Variants in MCPH1 observed in about 807,000 individuals in gnomAD.
MCPH1 encodes the protein microcephalin 1, also known as microcephalin.
Under a neutral mutation model 84.5 loss-of-function variants are expected in MCPH1, and 104 were observed. That is an observed-to-expected ratio of 1.23 (90% CI 1.05 to 1.45). The LOEUF (loss-of-function observed/expected upper bound fraction) is 1.45. Among genes scored for constraint, MCPH1 ranks in the 40% most tolerant of loss-of-function variants. The pLI is 0.00. For missense variants in MCPH1, 1,498 were observed against 1,005.7 expected (o/e 1.49, Z -6.62); for synonymous variants, 514 against 366.8 (o/e 1.40, Z -4.58).
intron 12 of MCPH1, among the ~76,000 whole-genome samples, chr8:6,595,220 G>A (rs1471672817): frequency 2.0e-5 from 3 of 152,198 alleles, no homozygotes; most frequent in Admixed American, 2.0e-4. Flanking sequence ...GGGAGTGAGA[G>A]AGGCAAGGAT....
chr8:6,478,607 CTGA>C (rs1404836129), intron 10 of MCPH1, among the ~76,000 whole-genome samples: 6 of 152,150 alleles, frequency 3.9e-5, no homozygotes, highest in Admixed American at 1.3e-4. Flanking sequence ...CCTGGACATT[CTGA>C]TTTTATGTGG....
At chr8:6,558,337 G>A (rs1005703833) in intron 12 of MCPH1, among the ~76,000 whole-genome samples, 2 of 152,050 alleles carry the variant, frequency 1.3e-5, no homozygotes, top group Non-Finnish European at 2.9e-5. Context: ...TTTTTACCTT[G>A]CCCATATCTT....
chr8:6,476,050 T>C (rs1029189581), intron 9 of MCPH1, among the ~76,000 whole-genome samples: 1 of 152,188 alleles, frequency 6.6e-6, no homozygotes. Flanking sequence ...CAAGGCTATA[T>C]GAAACTGTCA....
Position 6,445,099 on chromosome 8 carries a change from T to G in MCPH1, c.1377T>G (p.Ser459=), listed in dbSNP as rs1255403842. The G allele has an allele frequency of 6.2e-7, 1 of 1,614,154 alleles. No homozygotes were observed. Among genetic ancestry groups the G allele is most frequent in the Non-Finnish European group, 8.5e-7 (1 of 1,180,056 alleles). Residue 459 remains serine (S), a synonymous_variant, in exon 8 of 14, where the codon TCT becomes TCG. Transcript: ENST00000344683. ...KKERTSIFEM[S]DFSCVGKKTR... ...AGAGAACAAGCATATTTGAAATGTC[T>G]GATTTTTCCTGCGTTGGCAAAAAAA...
Position 6,643,242 on chromosome 8 carries a change from C to T in MCPH1, c.*193C>T, listed in dbSNP as rs1256056050. The T allele has an allele frequency of 2.4e-5, 15 of 621,122 alleles. No individual in the cohort carries two copies. The highest frequency in any genetic ancestry group is 3.7e-5 in the Non-Finnish European group (13 of 351,048). 38.5% of individuals were successfully genotyped at this position (621,122 alleles called of 1,614,324 possible). Reference sequence around the variant, plus strand: ...GATGACTGAATGTCTGTTTCAGAGACGCTTCGGGCCTTTTTATTTTTATTT... The same window carrying T: ...GATGACTGAATGTCTGTTTCAGAGATGCTTCGGGCCTTTTTATTTTTATTT... On this transcript the variant is annotated 3_prime_UTR_variant, in exon 14 of 14. Transcript: ENST00000344683.
chr8:6,518,891 T>A (rs542439759), intron 12 of MCPH1, among the ~76,000 whole-genome samples: 3 of 152,188 alleles, frequency 2.0e-5, no homozygotes, highest in Non-Finnish European at 4.4e-5. Flanking sequence ...AGAAGCCACA[T>A]TGAAATATTC....
At position 6,442,123 on chromosome 8, in the gene MCPH1, C is replaced by T. The variant is rs1803605811; in HGVS notation, c.637C>T (p.Pro213Ser). The T allele has an allele frequency of 1.9e-6, 3 of 1,612,848 alleles. No homozygotes were observed. The highest frequency in any genetic ancestry group is 1.3e-5 in the African/African-American group (1 of 74,850). ...DNPSNSLCEA[P>S]LNISRDTLCS... ...TCCAAGTAACTCTCTGTGTGAAGCACCTTTGAACATTTCACGTGATACTTT... is the reference window on the plus strand; with the variant it reads ...TCCAAGTAACTCTCTGTGTGAAGCATCTTTGAACATTTCACGTGATACTTT... Residue 213 changes from proline to serine, a missense_variant, in exon 7 of 14, where the codon CCT becomes TCT. Coordinates refer to ENST00000344683, the MANE Select transcript of MCPH1 (RefSeq NM_024596.5).
At chr8:6,441,599 G>A (rs1194472817) in intron 6 of MCPH1, among the ~76,000 whole-genome samples, 1 of 152,194 alleles carries the variant, frequency 6.6e-6, no homozygotes, top group Non-Finnish European at 1.5e-5. Flanking sequence ...ACCCAGCACA[G>A]CTGACATTTG....
intron 12 of MCPH1, among the ~76,000 whole-genome samples, chr8:6,599,656 T>G (rs1829215025): frequency 6.6e-6 from 1 of 152,240 alleles, no homozygotes; most frequent in Non-Finnish European, 1.5e-5. Flanking sequence ...CTCAGGTGCT[T>G]GTTGAGTCAT....
chr8:6,548,385 C>T (rs1038542314), intron 12 of MCPH1, among the ~76,000 whole-genome samples: 3 of 152,148 alleles, frequency 2.0e-5, no homozygotes, highest in South Asian at 2.1e-4. Flanking sequence ...GGAAATTTCC[C>T]GAAAATGGCA....
At chr8:6,412,486 C>T (rs181154697) in intron 2 of MCPH1, among the ~76,000 whole-genome samples, 12 of 152,232 alleles carry the variant, frequency 7.9e-5, no homozygotes, top group African/African-American at 2.2e-4. Flanking sequence ...ACTCGTAATC[C>T]GGGATTATCT....
chr8:6,487,858 G>C (rs1290291649), intron 11 of MCPH1, among the ~76,000 whole-genome samples: 1 of 152,138 alleles, frequency 6.6e-6, no homozygotes, highest in African/African-American at 2.4e-5. Flanking sequence ...TTTTGCAGCC[G>C]AGAAGGACGC....
intron 8 of MCPH1, among the ~76,000 whole-genome samples, chr8:6,447,622 C>T (rs1289764016): frequency 6.6e-6 from 1 of 152,210 alleles, no homozygotes; most frequent in African/African-American, 2.4e-5. Context: ...ACAATCTCAG[C>T]TCACTGCAAC....
At chr8:6,636,033 A>C (rs1224391354) in intron 13 of MCPH1, among the ~76,000 whole-genome samples, 1 of 152,190 alleles carries the variant, frequency 6.6e-6, no homozygotes, top group Non-Finnish European at 1.5e-5. Flanking sequence ...ACTGCTTGGT[A>C]GTAGCATATA....
intron 12 of MCPH1, among the ~76,000 whole-genome samples, chr8:6,546,149 G>C (rs1235268733): frequency 6.6e-6 from 1 of 152,238 alleles, no homozygotes; most frequent in African/African-American, 2.4e-5. Context: ...TGCTATGCTA[G>C]TGTGAAAATT....
intron 12 of MCPH1, among the ~76,000 whole-genome samples, chr8:6,576,601 C>T (rs1045528095): frequency 1.4e-5 from 2 of 147,624 alleles, no homozygotes; most frequent in African/African-American, 4.9e-5. Context: ...CTCCACCTCC[C>T]GGGTCAAGCG....
intron 12 of MCPH1, among the ~76,000 whole-genome samples, chr8:6,509,572 C>T (rs1253560287): frequency 6.6e-6 from 1 of 152,042 alleles, no homozygotes; most frequent in African/African-American, 2.4e-5. Context: ...GCTACATTTC[C>T]TCATGTCTGT....
intron 12 of MCPH1, among the ~76,000 whole-genome samples, chr8:6,557,315 C>T (rs907484846): frequency 6.6e-6 from 1 of 152,040 alleles, no homozygotes; most frequent in Non-Finnish European, 1.5e-5. Flanking sequence ...AGGCTTGCAT[C>T]CACCATACCT....
chr8:6,639,339 G>A (rs988332478), intron 13 of MCPH1, among the ~76,000 whole-genome samples: 13 of 152,174 alleles, frequency 8.5e-5, no homozygotes, highest in Non-Finnish European at 1.8e-4. Context: ...GTATCTTCTA[G>A]ATTTCTTTTA....
Sources: gnomAD v4.1 joint callset for allele counts (sites outside exome capture counted in the v4.1 genomes callset) on GRCh38, gnomAD v4.1.1 for gene constraint, MANE v1.5 for transcripts, NCBI Gene and HGNC (gene_info 2026-07-23, HGNC 2026-07-21) for gene names.